The following GC variants were observed in gnomAD, a reference collection of about 807,000 sequenced individuals.
GC encodes vitamin D-binding protein.
GC carries 43 observed loss-of-function variants against 56.7 expected under a neutral mutation model. The ratio of observed to expected loss-of-function variants is 0.76; its 90% CI spans 0.59 to 0.98. The LOEUF (loss-of-function observed/expected upper bound fraction) is 0.98, where lower values mean the gene tolerates loss of function less well. Among genes scored for constraint, GC ranks in the 50% least tolerant of loss-of-function variants. The probability of loss-of-function intolerance (pLI) is 0.00; values close to 1 mark genes in which losing one functional copy is unlikely to be tolerated. For missense variants in GC, 529 were observed against 545.9 expected, an observed-to-expected ratio of 0.97 and a Z score of 0.31; for synonymous variants, 216 against 202.7, an observed-to-expected ratio of 1.07 and a Z score of -0.56.
At chr4:71,771,919 T>G (rs915956611) in intron 1 of GC, among the ~76,000 whole-genome samples, 1 of 152,184 alleles carries the variant, frequency 6.6e-6, no homozygotes, top group African/African-American at 2.4e-5. Context: ...GTTTTTAGTT[T>G]GCTCCTAAAG....
upstream of GC, among the ~76,000 whole-genome samples, chr4:71,786,943 G>A (rs1742853798): frequency 6.6e-6 from 1 of 151,810 alleles, no homozygotes; most frequent in Non-Finnish European, 1.5e-5. Context: ...ATTGATATTA[G>A]TGGATCGAAG....
chr4:71,789,398 A>T (rs1399839289), intron 1 of GC, among the ~76,000 whole-genome samples: 1 of 151,954 alleles, frequency 6.6e-6, no homozygotes, highest in African/African-American at 2.4e-5. Flanking sequence ...TTTTATGTAC[A>T]TTCTCTAATG....
intron 1 of GC, among the ~76,000 whole-genome samples, chr4:71,803,259 CTGAACATA>C (rs1458349663): frequency 3.0e-4 from 45 of 152,102 alleles, no homozygotes; most frequent in Non-Finnish European, 5.9e-4. Context: ...TCTGATTTGG[CTGAACATA>C]AAAAGAGCTA....
At chr4:71,802,286 A>G (rs527341053) in intron 1 of GC, among the ~76,000 whole-genome samples, 16 of 152,208 alleles carry the variant, frequency 1.1e-4, no homozygotes, top group African/African-American at 3.6e-4. Context: ...GCTGCATATT[A>G]TTTTTGTGTA....
At chr4:71,796,154 CTTGAGG>C (rs1253436001) in intron 1 of GC, among the ~76,000 whole-genome samples, 1 of 152,158 alleles carries the variant, frequency 6.6e-6, no homozygotes, top group African/African-American at 2.4e-5. Flanking sequence ...AGTTGCACTT[CTTGAGG>C]AGTATCTTTG....
Position 71,771,050 on chromosome 4 carries a change from GATGTT to G in GC, c.59-1655_59-1651del, listed in dbSNP as rs534333015. Reference sequence around the variant, plus strand: ...TAAGCCCAGGAAATTTCCCTCCTGTGATGTTATATCTTTGGAAAAAAATGTAGGAA... The same window carrying G: ...TAAGCCCAGGAAATTTCCCTCCTGTGATATCTTTGGAAAAAAATGTAGGAA... On this transcript the variant is annotated intron_variant, in intron 1 of 12. Transcript: ENST00000273951. Among the ~76,000 whole-genome samples the G allele has an allele frequency of 5.0e-3, 762 of 152,214 alleles. 7 individuals carry two copies. The highest frequency in any genetic ancestry group is 0.017 in the African/African-American group (717 of 41,532).
At position 71,768,351 on chromosome 4, in the gene GC, T is replaced by A. The variant is rs766484261; in HGVS notation, c.211A>T (p.Thr71Ser). 1 of 1,613,490 alleles carries A rather than the reference T, an allele frequency of 6.2e-7. No homozygotes were observed. The highest frequency in any genetic ancestry group is 2.2e-5 in the East Asian group (1 of 44,810). Reference protein sequence around the residue: ...SQLVKEVVSLTEACCAEGADP... With the variant: ...SQLVKEVVSLSEACCAEGADP... The stretch of plus-strand genomic sequence containing the variant: ...GCCCCTTCCGCACAGCAGGCTTCGG[T>A]CAAGGAGACAACTTCCTTCACAAGT... The change falls in exon 3 of 13, where the codon ACC becomes TCC. Residue 71 changes from threonine (T) to serine (S), a missense_variant. By Grantham distance (58) the Thr-to-Ser change is moderately conservative (BLOSUM62 1). Coordinates refer to ENST00000273951, the MANE Select transcript of GC (RefSeq NM_000583.4).
chr4:71,781,587 G>A (rs189827639), intron 1 of GC, among the ~76,000 whole-genome samples: 6 of 151,654 alleles, frequency 4.0e-5, no homozygotes, highest in African/African-American at 1.5e-4. Context: ...AAATTTTATA[G>A]CTGTATCACC....
chr4:71,799,499 G>A (rs1743196908), intron 1 of GC, among the ~76,000 whole-genome samples: 1 of 152,162 alleles, frequency 6.6e-6, no homozygotes, highest in Non-Finnish European at 1.5e-5. Context: ...TGACACTGCT[G>A]AGATTATTTA....
At position 71,765,960 on chromosome 4, in the gene GC, T is replaced by C. The variant is rs115352825; in HGVS notation, c.262-317A>G. The stretch of plus-strand genomic sequence containing the variant: ...AGCCTAGTGTTCCTCCGTGGGGATA[T>C]TAACATCTCTGAGGATGAGAGGGTC... On this transcript the variant is annotated intron_variant, in intron 3 of 12. Coordinates refer to ENST00000273951, the MANE Select transcript of GC (RefSeq NM_000583.4). Among the ~76,000 whole-genome samples, 586 of 152,312 alleles carry C rather than the reference T, an allele frequency of 3.8e-3. 5 individuals are homozygous for C. The highest frequency in any genetic ancestry group is 0.014 in the African/African-American group (569 of 41,572).
intron 12 of GC, among the ~76,000 whole-genome samples, chr4:71,744,213 C>A (rs1311252833): frequency 6.7e-6 from 1 of 148,196 alleles, no homozygotes; most frequent in Non-Finnish European, 1.5e-5. Flanking sequence ...GAGGCCGAGG[C>A]GGGCGGATCA....
intron 12 of GC, among the ~76,000 whole-genome samples, chr4:71,744,161 G>C (rs1449336425): frequency 6.6e-6 from 1 of 151,690 alleles, no homozygotes; most frequent in Non-Finnish European, 1.5e-5. Context: ...AATACTTCTG[G>C]GCCAGGCACA....
chr4:71,800,548 G>A (rs977617132), intron 1 of GC, among the ~76,000 whole-genome samples: 9 of 152,144 alleles, frequency 5.9e-5, no homozygotes, highest in African/African-American at 2.2e-4. Flanking sequence ...ATATACGTGT[G>A]CATATATCTT....
In GC at chr4:71,756,964, A is replaced by G. The variant is rs756707578; in HGVS notation, c.832-50T>C. 96 of 1,250,344 alleles carry G rather than the reference A, an allele frequency of 7.7e-5. No individual in the cohort carries two copies. The South Asian group carries it at 1.1e-3, about 14-fold the overall frequency. The allele number at this position is 1,250,344 out of a possible 1,614,324, so 77.5% of individuals were successfully genotyped here. On this transcript the variant is annotated intron_variant, in intron 7 of 12. Transcript: ENST00000273951. Reference sequence around the variant, plus strand: ...GCATTGTTAGTTTCCTGATAGTCTAATTAAAAATAAGAATTACATAGGCTT... The same window carrying G: ...GCATTGTTAGTTTCCTGATAGTCTAGTTAAAAATAAGAATTACATAGGCTT...
At chr4:71,744,037 T>C (rs2149291468) in intron 12 of GC, among the ~76,000 whole-genome samples, 1 of 152,286 alleles carries the variant, frequency 6.6e-6, no homozygotes, top group East Asian at 1.9e-4. Context: ...ATTTCATTTC[T>C]TCATCTTATC....
chr4:71,801,139 C>T (rs1197450615), intron 1 of GC, among the ~76,000 whole-genome samples: 1 of 152,002 alleles, frequency 6.6e-6, no homozygotes, highest in Non-Finnish European at 1.5e-5. Context: ...ATAAAAAAGA[C>T]AAATAATCCA....
intron 1 of GC, among the ~76,000 whole-genome samples, chr4:71,792,883 A>T (rs1027516455): frequency 6.6e-6 from 1 of 152,204 alleles, no homozygotes; most frequent in Admixed American, 6.6e-5. Flanking sequence ...ACATATGGCT[A>T]GCCAGTTTTC....
rs111255264 is a variant in GC, at chr4:71,772,934, C to T, written c.59-3534G>A. On this transcript the variant is annotated intron_variant, in intron 1 of 12. Coordinates refer to ENST00000273951, the MANE Select transcript of GC (RefSeq NM_000583.4). ...AAAGCCAATGTATGTCAATCATTGT[C>T]TCAATTTTCAAATACAGCAAATAAA... 1.1e-3 allele frequency among the ~76,000 whole-genome samples: 160 copies of T among 152,144 alleles called. 1 individual carries two copies. The highest frequency in any genetic ancestry group is 3.8e-3 in the African/African-American group (156 of 41,564).
intron 1 of GC, among the ~76,000 whole-genome samples, chr4:71,772,746 G>A (rs1210130303): frequency 6.6e-6 from 1 of 152,114 alleles, no homozygotes; most frequent in Non-Finnish European, 1.5e-5. Context: ...AAGGGAGGAA[G>A]CTCAAGAGGG....
Sources: allele counts gnomAD v4.1 joint callset (sites outside exome capture counted in the v4.1 genomes callset), GRCh38; gene constraint gnomAD v4.1.1; transcripts MANE v1.5; gene names NCBI Gene and HGNC (gene_info 2026-07-23, HGNC 2026-07-21).